Variants in RANBP17 observed in about 807,000 individuals in gnomAD.
RANBP17 encodes RAN binding protein 17, also known as ran-binding protein 17.
In RANBP17, 158 loss-of-function variants were observed where a neutral mutation model predicts 141.2. The observed-to-expected ratio is 1.12, with a 90% CI of 0.98 to 1.28. The LOEUF is 1.28. RANBP17 is among the 50% of genes most tolerant of loss of function. The pLI, the probability that RANBP17 is intolerant of heterozygous loss-of-function variation, is 0.00. For synonymous variants in RANBP17, 430 were observed against 450.0 expected, an observed-to-expected ratio of 0.96 and a Z score of 0.56; for missense variants, 1,438 against 1,290.7, an observed-to-expected ratio of 1.11 and a Z score of -1.75.
intron 11 of RANBP17, 80 bp downstream of exon 11, chr5:170,919,693 T>A: frequency 5.4e-6 from 6 of 1,118,676 alleles, no homozygotes; most frequent in Non-Finnish European, 7.6e-6. Context: ...AATTTAAAAT[T>A]CACCCCTTTT....
At chr5:171,073,182 A>G (rs984627051) in intron 14 of RANBP17, among the ~76,000 whole-genome samples, 9 of 152,074 alleles carry the variant, frequency 5.9e-5, no homozygotes, top group African/African-American at 1.7e-4. Context: ...ATCAACCAAA[A>G]TGTCAGGGGA....
chr5:170,972,337 G>A (rs12654713), intron 14 of RANBP17, among the ~76,000 whole-genome samples: 7 of 151,624 alleles, frequency 4.6e-5, no homozygotes, highest in African/African-American at 1.5e-4. Flanking sequence ...ATGCACCACC[G>A]CGCCTGGCTA....
chr5:171,251,872 T>C, intron 24 of RANBP17: 6 of 1,459,402 alleles, frequency 4.1e-6, no homozygotes, highest in Non-Finnish European at 5.8e-6. Flanking sequence ...TGCCAATGCT[T>C]CGGCATTAGA....
intron 14 of RANBP17, among the ~76,000 whole-genome samples, chr5:171,155,093 A>T (rs921818031): frequency 9.3e-6 from 1 of 107,630 alleles, no homozygotes; most frequent in Non-Finnish European, 1.9e-5. Flanking sequence ...AAAAAAAAAA[A>T]AATATATATA....
At chr5:171,277,575 A>C (rs1162710725) in intron 25 of RANBP17, among the ~76,000 whole-genome samples, 2 of 141,618 alleles carry the variant, frequency 1.4e-5, no homozygotes, top group Non-Finnish European at 3.0e-5. Context: ...GAAAAAAAAA[A>C]CCACTAGAAT....
chr5:171,182,183 T>C (rs958122102), intron 16 of RANBP17, among the ~76,000 whole-genome samples: 3 of 152,326 alleles, frequency 2.0e-5, no homozygotes, highest in East Asian at 3.9e-4. Context: ...AATGGAGCCA[T>C]ATAAGATTAT....
intron 25 of RANBP17, among the ~76,000 whole-genome samples, chr5:171,273,953 C>T (rs1396250323): frequency 6.6e-6 from 1 of 152,136 alleles, no homozygotes; most frequent in Non-Finnish European, 1.5e-5. Flanking sequence ...TCTACTGGAA[C>T]TTAAAGGGGC....
chr5:170,909,837 G>T (rs1326557604), intron 6 of RANBP17, 72 bp downstream of exon 6: 1 of 840,544 alleles, frequency 1.2e-6, no homozygotes, highest in South Asian at 1.5e-5. Context: ...AAGAATTTCA[G>T]TTGAATTTTC....
intron 22 of RANBP17, among the ~76,000 whole-genome samples, chr5:171,225,166 A>G (rs975411274): frequency 2.6e-5 from 4 of 152,238 alleles, no homozygotes; most frequent in African/African-American, 4.8e-5. Context: ...TGGTCTTTTC[A>G]TATTCTTTAC....
Position 171,209,175 on chromosome 5 carries a change from G to T in RANBP17, c.2231+3563G>T, listed in dbSNP as rs79526017. ...CCTTGGGTCTTAACCAAATAAGTAG[G>T]ATTGGACCATATGGAAATAGGAAGA... On this transcript the variant is annotated intron_variant, in intron 20 of 27. Coordinates refer to ENST00000523189, the MANE Select transcript of RANBP17 (RefSeq NM_022897.5). Among the ~76,000 whole-genome samples the T allele has an allele frequency of 4.1e-3, 629 of 152,264 alleles. 4 individuals are homozygous for T. The highest frequency in any genetic ancestry group is 0.014 in the African/African-American group (577 of 41,550).
intron 12 of RANBP17, among the ~76,000 whole-genome samples, chr5:170,933,664 G>A (rs1015868342): frequency 7.4e-4 from 112 of 152,170 alleles, no homozygotes; most frequent in African/African-American, 2.6e-3. Context: ...CCTTGATTTC[G>A]TTATGTACCC....
At chr5:171,092,996 T>C (rs1289115507) in intron 14 of RANBP17, among the ~76,000 whole-genome samples, 1 of 152,180 alleles carries the variant, frequency 6.6e-6, no homozygotes, top group Non-Finnish European at 1.5e-5. Flanking sequence ...GACAAGTGTA[T>C]TGTAAAGTCA....
intron 3 of RANBP17, among the ~76,000 whole-genome samples, chr5:170,882,596 A>T (rs528009817): frequency 6.6e-6 from 1 of 152,290 alleles, no homozygotes; most frequent in African/African-American, 2.4e-5. Context: ...ACCTGTTTAG[A>T]GTCCAGGCTT....
intron 14 of RANBP17, among the ~76,000 whole-genome samples, chr5:170,979,916 A>T (rs1777642641): frequency 6.6e-6 from 1 of 152,168 alleles, no homozygotes; most frequent in Non-Finnish European, 1.5e-5. Context: ...CAGTTTGGAG[A>T]GCTCAGAAGA....
chr5:171,010,057 GA>G lies in RANBP17; in HGVS notation c.1710+41681del, dbSNP rs547375654. Among the ~76,000 whole-genome samples, 75 of 152,260 alleles carry G rather than the reference GA, an allele frequency of 4.9e-4. No individual in the cohort carries two copies. The South Asian group carries it at 0.015, about 31-fold the overall frequency. Reference sequence around the variant, plus strand: ...GCAATGAAAGCAGGTGAAAAATTGAGAGTGATCCCAGAAAGGAAGGAGCCAC... The same window carrying G: ...GCAATGAAAGCAGGTGAAAAATTGAGGTGATCCCAGAAAGGAAGGAGCCAC... On this transcript the variant is annotated intron_variant, in intron 14 of 27. Transcript: ENST00000523189.
intron 1 of RANBP17, among the ~76,000 whole-genome samples, chr5:170,875,960 T>G (rs1199750795): frequency 1.3e-5 from 2 of 152,198 alleles, no homozygotes; most frequent in Non-Finnish European, 2.9e-5. Context: ...GCTGCTGTTG[T>G]TGCTTTCTGT....
intron 14 of RANBP17, among the ~76,000 whole-genome samples, chr5:171,149,047 A>G (rs1758287358): frequency 1.3e-5 from 2 of 152,200 alleles, no homozygotes; most frequent in Non-Finnish European, 2.9e-5. Context: ...TTGCTGGTAA[A>G]GTAAACCTAA....
chr5:171,089,345 A>G (rs1364165897), intron 14 of RANBP17, among the ~76,000 whole-genome samples: 1 of 144,896 alleles, frequency 6.9e-6, no homozygotes, highest in Non-Finnish European at 1.5e-5. Context: ...TGCTGGGAGA[A>G]CCACTGCTCT....
intron 13 of RANBP17, among the ~76,000 whole-genome samples, chr5:170,963,951 G>C (rs759594829): frequency 3.7e-4 from 57 of 152,200 alleles, no homozygotes; most frequent in African/African-American, 1.3e-3. Flanking sequence ...AATCAGGAAA[G>C]GATATGAGCA....
Sources: allele counts gnomAD v4.1 joint callset (sites outside exome capture counted in the v4.1 genomes callset), GRCh38; gene constraint gnomAD v4.1.1; transcripts MANE v1.5; gene names NCBI Gene and HGNC (gene_info 2026-07-23, HGNC 2026-07-21).